Variants in HTR2C observed in about 807,000 individuals in gnomAD.
The protein encoded by HTR2C is 5-hydroxytryptamine (serotonin) receptor 2C, G protein-coupled.
Under a neutral mutation model 21.0 loss-of-function variants are expected in HTR2C, and 5 were observed. That is an observed-to-expected ratio of 0.24 (90% CI 0.12 to 0.50). The LOEUF is 0.50. Among genes scored for constraint, HTR2C ranks in the 20% least tolerant of loss-of-function variants. HTR2C has a pLI of 0.98. For missense variants in HTR2C, 271 were observed against 371.2 expected (o/e 0.73, Z 2.22); for synonymous variants, 150 against 145.3 (o/e 1.03, Z -0.23).
chrX:114,595,936 CAA>C (rs199641459), intron 1 of HTR2C, among the ~76,000 whole-genome samples: 1,411 of 112,123 alleles, frequency 0.013, 17 homozygotes, highest in African/African-American at 0.043. Context: ...TCAAATTTTT[CAA>C]AAGAGTGCTT....
Position 114,731,483 on chromosome X carries a change from C to T in HTR2C, c.225C>T (p.Ile75=). 3.3e-6 allele frequency: 4 copies of T among 1,207,334 alleles called. No individual in the cohort carries two copies. The highest frequency in any genetic ancestry group is 4.5e-6 in the Non-Finnish European group (4 of 891,648). Residue 75 remains isoleucine, a synonymous_variant, in exon 4 of 6, where the codon ATC becomes ATT. Transcript: ENST00000276198. The part of the protein sequence containing the change: ...IMTIGGNILV[I]MAVSMEKKLH... ...CAATAGGTGGCAACATCCTTGTGAT[C>T]ATGGCAGTAAGCATGGAAAAGAAAC...
At chrX:114,717,299 C>G (rs1309948947) in intron 2 of HTR2C, among the ~76,000 whole-genome samples, 1 of 111,699 alleles carries the variant, frequency 9.0e-6, no homozygotes, top group Non-Finnish European at 1.9e-5. Flanking sequence ...TCTTGAACTC[C>G]TGAGCTCAAG....
chrX:114,593,985 T>A (rs2147789180), intron 1 of HTR2C, among the ~76,000 whole-genome samples: 1 of 112,116 alleles, frequency 8.9e-6, no homozygotes, highest in African/African-American at 3.2e-5. Flanking sequence ...GTGCCCTACA[T>A]TTGAAATGAT....
chrX:114,597,623 A>G (rs1048499899), intron 1 of HTR2C, among the ~76,000 whole-genome samples: 2 of 111,800 alleles, frequency 1.8e-5, no homozygotes, highest in Non-Finnish European at 3.8e-5. Context: ...GAAGAGGTAA[A>G]TTAGGAACTA....
intron 2 of HTR2C, among the ~76,000 whole-genome samples, chrX:114,680,255 A>C (rs1931702117): frequency 8.9e-6 from 1 of 112,596 alleles, no homozygotes; most frequent in Non-Finnish European, 1.9e-5. Flanking sequence ...GGCAATTAAA[A>C]GCAATTTATT....
chrX:114,600,080 T>C (rs1183598133), intron 1 of HTR2C, among the ~76,000 whole-genome samples: 1 of 111,787 alleles, frequency 8.9e-6, no homozygotes, highest in Non-Finnish European at 1.9e-5. Flanking sequence ...CCTAACCATA[T>C]CCTACTCAGT....
intron 2 of HTR2C, among the ~76,000 whole-genome samples, chrX:114,619,876 A>G (rs187405314): frequency 2.0e-3 from 230 of 112,226 alleles, no homozygotes; most frequent in African/African-American, 6.8e-3. Flanking sequence ...GATCAGGAAC[A>G]GTATTTGCTT....
chrX:114,687,879 T>G (rs928075740), intron 2 of HTR2C, among the ~76,000 whole-genome samples: 3 of 111,904 alleles, frequency 2.7e-5, no homozygotes, highest in Non-Finnish European at 5.6e-5. Context: ...TCATTAAAGT[T>G]TTCTGTAGAA....
intron 4 of HTR2C, among the ~76,000 whole-genome samples, chrX:114,790,161 A>G (rs1556443125): frequency 1.8e-5 from 2 of 111,893 alleles, no homozygotes; most frequent in African/African-American, 6.5e-5. Context: ...ATTAGAACCT[A>G]AAAATATCTG....
intron 2 of HTR2C, among the ~76,000 whole-genome samples, chrX:114,646,389 A>C (rs1930361904): frequency 1.8e-5 from 2 of 112,074 alleles, no homozygotes; most frequent in African/African-American, 6.5e-5. Flanking sequence ...CCATAGAATA[A>C]ATTTTAAATT....
intron 4 of HTR2C, among the ~76,000 whole-genome samples, chrX:114,758,425 A>G (rs2069835124): frequency 9.1e-6 from 1 of 109,712 alleles, no homozygotes; most frequent in Non-Finnish European, 1.9e-5. Context: ...ATAGCCAAGC[A>G]TAGTGGCATG....
chrX:114,775,898 G>A, intron 4 of HTR2C: 1 of 373,807 alleles, frequency 2.7e-6, no homozygotes, highest in East Asian at 4.7e-5. Context: ...GGCAATGGAT[G>A]TACAGAAGTC....
At chrX:114,615,158 T>C (rs1370370968) in intron 2 of HTR2C, among the ~76,000 whole-genome samples, 1 of 111,547 alleles carries the variant, frequency 9.0e-6, no homozygotes, top group Non-Finnish European at 1.9e-5. Flanking sequence ...ATGTTAATAA[T>C]GATCAAAAAT....
At chrX:114,855,084 A>C (rs2070948450) in intron 5 of HTR2C, among the ~76,000 whole-genome samples, 1 of 111,671 alleles carries the variant, frequency 9.0e-6, no homozygotes, top group Admixed American at 9.5e-5. Flanking sequence ...CATCCAATTT[A>C]TTGCAACAAT....
chrX:114,828,915 T>C (rs1556459557), intron 4 of HTR2C, among the ~76,000 whole-genome samples: 1 of 112,328 alleles, frequency 8.9e-6, no homozygotes, highest in Non-Finnish European at 1.9e-5. Context: ...ATTCACTCTT[T>C]TTATGGTTGA....
chrX:114,731,335 CT>C lies in HTR2C; in HGVS notation c.78del (p.Val27Ter). Reference protein sequence around the residue: ...IGLLVWQSDISVSPVAAIVTD... With the variant: ...IGLLVWQSDIXVSPVAAIVTD... ...CTATTGGTTTGGCAATCTGATATTT[CT>C]GTGAGCCCAGTAGCAGCTATAGTAA... On this transcript the variant is annotated frameshift_variant, in exon 4 of 6. Coordinates refer to ENST00000276198, the MANE Select transcript of HTR2C (RefSeq NM_000868.4). LOFTEE classifies it high-confidence loss of function. The C allele has an allele frequency of 8.3e-7, 1 of 1,201,866 alleles. No homozygotes were observed. Among genetic ancestry groups the C allele is most frequent in the Non-Finnish European group, 1.1e-6 (1 of 889,024 alleles).
intron 4 of HTR2C, among the ~76,000 whole-genome samples, chrX:114,799,472 GA>G (rs1282734467): frequency 7.9e-5 from 8 of 100,808 alleles, no homozygotes; most frequent in Non-Finnish European, 8.1e-5. Flanking sequence ...CTCCTCTCTG[GA>G]AAAAAAAAAG....
chrX:114,765,881 G>T (rs1233811153), intron 4 of HTR2C, among the ~76,000 whole-genome samples: 2 of 111,275 alleles, frequency 1.8e-5, no homozygotes, highest in East Asian at 5.7e-4. Flanking sequence ...CAGTTTGAAG[G>T]CCCAGATTGC....
At chrX:114,879,071 A>G (rs782408110) in intron 5 of HTR2C, among the ~76,000 whole-genome samples, 1 of 109,266 alleles carries the variant, frequency 9.2e-6, no homozygotes, top group South Asian at 3.8e-4. Context: ...AATTTCTTAG[A>G]GTTTAGTATT....
Sources: gnomAD v4.1 joint callset for allele counts (sites outside exome capture counted in the v4.1 genomes callset) on GRCh38, gnomAD v4.1.1 for gene constraint, MANE v1.5 for transcripts, NCBI Gene and HGNC (gene_info 2026-07-23, HGNC 2026-07-21) for gene names.